PRAM1: variants seen among roughly 807,000 people sequenced by gnomAD.
PRAM1 encodes the protein PML-RARA regulated adaptor molecule 1.
In PRAM1, 41 loss-of-function variants were observed where a neutral mutation model predicts 55.3. That is an observed-to-expected ratio of 0.74 (90% CI 0.58 to 0.96). The LOEUF is 0.96. Ranked by LOEUF, PRAM1 falls within the 40% of genes least tolerant of loss-of-function variation. The pLI, the probability that PRAM1 is intolerant of heterozygous loss-of-function variation, is 0.00. For synonymous variants in PRAM1, 401 were observed against 387.1 expected (o/e 1.04, Z -0.42); for missense variants, 898 against 892.7 (o/e 1.01, Z -0.08).
At chr19:8,499,811 C>A (rs1174832152) in intron 1 of PRAM1, 31 bp from the exon 2 acceptor site, 2 of 1,536,034 alleles carry the variant, frequency 1.3e-6, no homozygotes, top group South Asian at 1.2e-5. Flanking sequence ...GAGGCAGGGG[C>A]TCAAACACAC....
At chr19:8,501,752 C>A (rs529780285) in intron 1 of PRAM1, among the ~76,000 whole-genome samples, 1 of 152,300 alleles carries the variant, frequency 6.6e-6, no homozygotes, top group South Asian at 2.1e-4. Flanking sequence ...CTCACACCGT[C>A]TCTGACATGC....
Position 8,498,908 on chromosome 19 carries a change from G to A in PRAM1, c.900C>T (p.Pro300=), listed in dbSNP as rs1378215075. Residue 300 remains proline (P), a synonymous_variant, in exon 2 of 10, where the codon CCC becomes CCT. Transcript: ENST00000423345. ...LGDLTRTSSE[P]EVSVLPKRPR... is the part of the protein sequence containing the mutation. The stretch of plus-strand genomic sequence containing the variant: ...GCCTCTTGGGAAGCACGCTGACTTC[G>A]GGCTCTGAGGAGGTCCTGGTGAGGT... 1 of 1,613,604 alleles carries A rather than the reference G, an allele frequency of 6.2e-7. No individual in the cohort carries two copies. The highest frequency in any genetic ancestry group is 8.5e-7 in the Non-Finnish European group (1 of 1,179,758).
Position 8,490,273 on chromosome 19 carries a change from A to C in PRAM1, c.1976-47T>G. The stretch of plus-strand genomic sequence containing the variant: ...CATGGACCCCTCTCCCCAGAAGCCC[A>C]ATAGTGAGCAGCGCCCCCGGGGAAT... On this transcript the variant is annotated intron_variant, in intron 9 of 9. Coordinates refer to ENST00000423345, the MANE Select transcript of PRAM1 (RefSeq NM_032152.5). This position sits in a 1 kb window ranked among gnomAD's most constrained non-coding sequence, Gnocchi z 7.3. The C allele has an allele frequency of 6.2e-7, 1 of 1,613,276 alleles. No individual in the cohort carries two copies. Among genetic ancestry groups the C allele is most frequent in the Non-Finnish European group, 8.5e-7 (1 of 1,179,568 alleles).
intron 3 of PRAM1, 91 bp downstream of exon 3, chr19:8,498,132 A>G: frequency 7.4e-7 from 1 of 1,356,528 alleles, no homozygotes; most frequent in Non-Finnish European, 1.0e-6. Flanking sequence ...CGCCCACTTC[A>G]GCCTCCCGAA....
Position 8,490,600 on chromosome 19 carries a change from C to T in PRAM1, c.1900G>A (p.Gly634Ser), listed in dbSNP as rs768845751. Residue 634 changes from glycine (G) to serine (S), a missense_variant, in exon 7 of 10, where the codon GGC (glycine) becomes AGC (serine). Around this residue, in one of 4 missense-constraint regions of PRAM1, gnomAD observed 787 missense variants for 735.4 expected, o/e 1.07. Transcript: ENST00000423345. The surrounding 1 kb of genome is among the most constrained non-coding windows in gnomAD (Gnocchi z 7.3). ...NEEMLCRDPK[G>S]KYGYVPRTAL... ...CGGGGCCGGGCGCACTCACATTTGCCTTTGGGGTCCCGGCACAGCATCTCC... is the reference window on the plus strand; with the variant it reads ...CGGGGCCGGGCGCACTCACATTTGCTTTTGGGGTCCCGGCACAGCATCTCC... 1.8e-5 allele frequency: 28 copies of T among 1,586,136 alleles called. No individual in the cohort carries two copies. The East Asian group carries it at 5.5e-4, about 31-fold the overall frequency.
chr19:8,496,054 A>T, intron 4 of PRAM1: 1 of 455,840 alleles, frequency 2.2e-6, no homozygotes, highest in Non-Finnish European at 4.4e-6. Flanking sequence ...TGCAGGCCAC[A>T]CCTCCCCCTG....
At chr19:8,496,922 A>T (rs967105165) in intron 4 of PRAM1, among the ~76,000 whole-genome samples, 1 of 152,068 alleles carries the variant, frequency 6.6e-6, no homozygotes, top group Non-Finnish European at 1.5e-5. Flanking sequence ...GCTACTGGGG[A>T]GGCTGAGGCA....
chr19:8,491,039 T>G (rs1971620306), intron 5 of PRAM1, 44 bp from the exon 6 acceptor site: 1 of 1,612,522 alleles, frequency 6.2e-7, no homozygotes, highest in African/African-American at 1.3e-5. Flanking sequence ...GAGCAAGTTG[T>G]GCTCCTCTGG....
chr19:8,499,132 T>G lies in PRAM1; in HGVS notation c.676A>C (p.Lys226Gln). ...PAQPEFNVYP[K>Q]KPPQPQVGGL... ...CCGACCTGAGGCTGCGGAGGCTTTT[T>G]GGGGTACACGTTGAACTCAGGCTGC... Residue 226 changes from lysine to glutamine, a missense_variant, in exon 2 of 10, where the codon AAA becomes CAA. Transcript: ENST00000423345. 1.9e-6 allele frequency: 3 copies of G among 1,613,510 alleles called. No individual in the cohort carries two copies. Among genetic ancestry groups the G allele is most frequent in the East Asian group, 2.2e-5 (1 of 44,820 alleles).
chr19:8,501,842 C>T (rs551766041), intron 1 of PRAM1, among the ~76,000 whole-genome samples: 1 of 152,308 alleles, frequency 6.6e-6, no homozygotes, highest in Admixed American at 6.5e-5. Flanking sequence ...GCGCTGTCTC[C>T]TGCATACCCA....
intron 1 of PRAM1, among the ~76,000 whole-genome samples, chr19:8,500,479 C>G (rs1271406710): frequency 1.3e-5 from 2 of 152,074 alleles, no homozygotes; most frequent in Non-Finnish European, 2.9e-5. Context: ...GAGGGAGAAG[C>G]CTGTTGAACC....
At chr19:8,495,963 C>T (rs755172617) in intron 4 of PRAM1, 12 of 429,008 alleles carry the variant, frequency 2.8e-5, no homozygotes, top group African/African-American at 6.1e-5. Flanking sequence ...GCAGGAGGTG[C>T]GGGCCTGCTC....
chr19:8,501,094 C>G (rs968834363), intron 1 of PRAM1, among the ~76,000 whole-genome samples: 6 of 139,526 alleles, frequency 4.3e-5, no homozygotes, highest in African/African-American at 1.5e-4. Flanking sequence ...ATTTTTCTTT[C>G]TTTCTTTTTT....
At position 8,490,564 on chromosome 19, in the gene PRAM1, TC is replaced by T; in HGVS notation, c.1906+29del. 1.3e-6 allele frequency: 2 copies of T among 1,596,308 alleles called. No individual in the cohort carries two copies. Among genetic ancestry groups the T allele is most frequent in the South Asian group, 2.2e-5 (2 of 88,896 alleles). On this transcript the variant is annotated intron_variant, in intron 7 of 9. Coordinates refer to ENST00000423345, the MANE Select transcript of PRAM1 (RefSeq NM_032152.5). This position sits in a 1 kb window ranked among gnomAD's most constrained non-coding sequence, Gnocchi z 7.3. ...GAGGCCCAGGGTGGCGGCGGGGACCTCCCGGGGCTGCGGGGCCGGGCGCACT... is the reference window on the plus strand; with the variant it reads ...GAGGCCCAGGGTGGCGGCGGGGACCTCCGGGGCTGCGGGGCCGGGCGCACT...
At chr19:8,502,464 G>GGGGGC in intron 1 of PRAM1, 101 bp downstream of exon 1, 1 of 216,456 alleles carries the variant, frequency 4.6e-6, no homozygotes, top group Non-Finnish European at 8.4e-6. Context: ...GCCACCCCCC[G>GGGGGC]CCCCCCCGCC....
At chr19:8,491,313 A>C in intron 4 of PRAM1, 156 bp from the exon 5 acceptor site, 2 of 741,120 alleles carry the variant, frequency 2.7e-6, no homozygotes, top group South Asian at 3.3e-5. Flanking sequence ...GGCTCACTGC[A>C]ACCTTCGCCT....
chr19:8,491,263 T>G, intron 4 of PRAM1, 106 bp from the exon 5 acceptor site: 1 of 1,218,568 alleles, frequency 8.2e-7, no homozygotes, highest in South Asian at 1.3e-5. Context: ...AGACGAAGTC[T>G]TGCTCTGTCA....
intron 1 of PRAM1, among the ~76,000 whole-genome samples, chr19:8,501,147 G>A (rs1356036348): frequency 6.8e-6 from 1 of 146,144 alleles, no homozygotes; most frequent in Non-Finnish European, 1.5e-5. Context: ...CACCCAGGTT[G>A]GAATGCAGTG....
At position 8,490,519 on chromosome 19, in the gene PRAM1, G is replaced by C; in HGVS notation, c.1907-10C>G. 2 of 1,609,878 alleles carry C rather than the reference G, an allele frequency of 1.2e-6. No individual in the cohort carries two copies. Among genetic ancestry groups the C allele is most frequent in the Non-Finnish European group, 1.7e-6 (2 of 1,178,292 alleles). ...CTGGGCACGTAGCCATCTGTGGAGA[G>C]AGTGGGCATGGTGGGTTCTGAGGCC... is the stretch of plus-strand genomic sequence containing the variant. On this transcript the variant is annotated splice_polypyrimidine_tract_variant and intron_variant, in intron 7 of 9. Coordinates refer to ENST00000423345, the MANE Select transcript of PRAM1 (RefSeq NM_032152.5). The surrounding 1 kb of genome is among the most constrained non-coding windows in gnomAD (Gnocchi z 7.3).
Sources: allele counts gnomAD v4.1 joint callset (sites outside exome capture counted in the v4.1 genomes callset), GRCh38; gene constraint gnomAD v4.1.1; regional missense constraint gnomAD v4.1.1; non-coding constraint Gnocchi (gnomAD v3.1); transcripts MANE v1.5; gene names NCBI Gene and HGNC (gene_info 2026-07-23, HGNC 2026-07-21).